NUFIP2: variants seen among roughly 807,000 people sequenced by gnomAD.
The protein encoded by NUFIP2 is nuclear FMR1 interacting protein 2.
In NUFIP2, 6 loss-of-function variants were observed where a neutral mutation model predicts 56.9. The ratio of observed to expected loss-of-function variants is 0.11; its 90% CI spans 0.06 to 0.21. The LOEUF (loss-of-function observed/expected upper bound fraction) is 0.21. Ranked by LOEUF, NUFIP2 falls within the 10% of genes least tolerant of loss-of-function variation. The probability of loss-of-function intolerance (pLI) is 1.00; values close to 1 mark genes in which losing one functional copy is unlikely to be tolerated. For synonymous variants in NUFIP2, 321 were observed against 298.2 expected, an observed-to-expected ratio of 1.08 and a Z score of -0.79; for missense variants, 828 against 826.8, an observed-to-expected ratio of 1.00 and a Z score of -0.02.
At position 29,287,312 on chromosome 17, in the gene NUFIP2, G is replaced by A. The variant is rs750934438; in HGVS notation, c.682C>T (p.Arg228Cys). The stretch of plus-strand genomic sequence containing the variant: ...TTTTCACAACCCTTGGCACTATTGC[G>A]CCTAGCTTTCCTTTTTTTAGGAGTT... ...YTTPKKRKAR[R>C]NSAKGCENLN... is the part of the protein sequence containing the mutation. Residue 228 changes from arginine (R) to cysteine (C), a missense_variant, in exon 2 of 4, where the codon CGC becomes TGC. Coordinates refer to ENST00000225388, the MANE Select transcript of NUFIP2 (RefSeq NM_020772.3). 20 of 1,613,894 alleles carry A rather than the reference G, an allele frequency of 1.2e-5. No homozygotes were observed. The highest frequency in any genetic ancestry group is 1.6e-5 in the Non-Finnish European group (19 of 1,180,020).
chr17:29,294,091 G>T lies in NUFIP2; in HGVS notation c.-32C>A. ...CGGCTGGGACTCCCTGGCTGAGGCT[G>T]CGGGCTGCTGCACCGTCAGGATCTG... On this transcript the variant is annotated 5_prime_UTR_variant, in exon 1 of 4. Transcript: ENST00000225388. 1 of 1,568,238 alleles carries T rather than the reference G, an allele frequency of 6.4e-7. No homozygotes were observed. The highest frequency in any genetic ancestry group is 8.7e-7 in the Non-Finnish European group (1 of 1,155,694).
chr17:29,279,950 C>T (rs935934474), intron 2 of NUFIP2, among the ~76,000 whole-genome samples: 9 of 152,072 alleles, frequency 5.9e-5, no homozygotes, highest in East Asian at 5.8e-4. Context: ...TCCCAATTAG[C>T]GGAGACTACA....
At chr17:29,266,909 T>C (rs936548223) in intron 3 of NUFIP2, among the ~76,000 whole-genome samples, 5 of 151,902 alleles carry the variant, frequency 3.3e-5, no homozygotes, top group Non-Finnish European at 7.4e-5. Context: ...CTTAATACTA[T>C]CTTTTTTTTT....
intron 1 of NUFIP2, among the ~76,000 whole-genome samples, chr17:29,293,116 G>A (rs533540497): frequency 2.9e-4 from 44 of 151,594 alleles, no homozygotes; most frequent in African/African-American, 1.0e-3. Flanking sequence ...GCCGGCTCTG[G>A]GGGGAGCGGG....
rs1024171407 is a variant in NUFIP2, at chr17:29,268,871, A to G, written c.2003-1341T>C. Among the ~76,000 whole-genome samples the G allele has an allele frequency of 5.3e-5, 8 of 152,178 alleles. No homozygotes were observed. In the South Asian group the frequency reaches 6.2e-4, roughly 12 times the overall value. On this transcript the variant is annotated intron_variant, in intron 2 of 3. Transcript: ENST00000225388. ...TTTATCCTTTAAGGTCAGAATGCCA[A>G]TCCACATCTATTATTAATGGCACAC...
chr17:29,264,686 C>A (rs1370792780), intron 3 of NUFIP2, 95 bp from the exon 4 acceptor site: 6 of 743,660 alleles, frequency 8.1e-6, no homozygotes, highest in Non-Finnish European at 1.1e-5. Flanking sequence ...TTTAAACTGA[C>A]CAATTTTTTT....
In NUFIP2 at chr17:29,287,670, T is replaced by C. The variant is rs756870346; in HGVS notation, c.324A>G (p.Leu108=). 1 of 1,613,066 alleles carries C rather than the reference T, an allele frequency of 6.2e-7. No homozygotes were observed. Among genetic ancestry groups the C allele is most frequent in the South Asian group, 1.1e-5 (1 of 90,814 alleles). ...NGNAGEREIS[L]KNLSSDEATN... Reference sequence around the variant, plus strand: ...TGGCTTCATCAGAACTCAGGTTCTTTAAAGATATTTCTCTTTCTCCAGCAT... The same window carrying C: ...TGGCTTCATCAGAACTCAGGTTCTTCAAAGATATTTCTCTTTCTCCAGCAT... The change falls in exon 2 of 4, where the codon TTA becomes TTG. Residue 108 remains leucine (L), a synonymous_variant. Transcript: ENST00000225388.
intron 2 of NUFIP2, among the ~76,000 whole-genome samples, chr17:29,273,317 C>T (rs1234980995): frequency 1.3e-5 from 2 of 152,084 alleles, no homozygotes; most frequent in South Asian, 2.1e-4. Context: ...GGATTACAGG[C>T]GTGAGCCACC....
At chr17:29,284,523 C>T (rs537824584) in intron 2 of NUFIP2, among the ~76,000 whole-genome samples, 27 of 151,536 alleles carry the variant, frequency 1.8e-4, no homozygotes, top group African/African-American at 4.4e-4. Context: ...CTGGCCAACA[C>T]GGTGAAACCT....
rs751490001 is a variant in NUFIP2 at position 29,286,780 on chromosome 17, G to A, written c.1214C>T (p.Ala405Val). 1.9e-6 allele frequency: 3 copies of A among 1,614,140 alleles called. No individual in the cohort carries two copies. Among genetic ancestry groups the A allele is most frequent in the South Asian group, 1.1e-5 (1 of 91,080 alleles). Residue 405 changes from alanine (A) to valine (V), a missense_variant, in exon 2 of 4, where the codon GCG becomes GTG. By Grantham distance (64) the Ala-to-Val change is moderately conservative (BLOSUM62 0). Coordinates refer to ENST00000225388, the MANE Select transcript of NUFIP2 (RefSeq NM_020772.3). ...GTTGGCAGAAGTAACAGATTTCAGCGCTGACATAGGGACCTGGGATAAGCG... is the reference window on the plus strand; with the variant it reads ...GTTGGCAGAAGTAACAGATTTCAGCACTGACATAGGGACCTGGGATAAGCG... Reference protein sequence around the residue: ...SSRLSQVPMSALKSVTSANFS... With the variant: ...SSRLSQVPMSVLKSVTSANFS...
Position 29,256,898 on chromosome 17 carries a change from C to T in NUFIP2, c.*7641G>A, listed in dbSNP as rs2068974505. ...TGATCTTACAAACAACTGAATAATT[C>T]TAATCTCAAGCCAGTCAATTCAGTA... On this transcript the variant is annotated 3_prime_UTR_variant, in exon 4 of 4. Transcript: ENST00000225388. 6.6e-6 allele frequency: 1 copy of T among 152,156 alleles called. No individual in the cohort carries two copies. Among genetic ancestry groups the T allele is most frequent in the Admixed American group, 6.5e-5 (1 of 15,272 alleles). The allele number at this position is 152,156 out of a possible 1,614,324, so 9.4% of individuals were successfully genotyped here. A position where few individuals can be genotyped will look rare whatever the true frequency, so the allele number is the denominator to read the frequency against.
chr17:29,289,755 CT>C (rs2069199458), intron 1 of NUFIP2, among the ~76,000 whole-genome samples: 1 of 152,026 alleles, frequency 6.6e-6, no homozygotes, highest in Non-Finnish European at 1.5e-5. Context: ...CACAACAGGA[CT>C]TACTCATTCT....
chr17:29,281,984 G>T lies in NUFIP2; in HGVS notation c.2002+4008C>A, dbSNP rs561136624. ...TTTCACTGTTAGCCAGGATGGCCTCGATCTCCTGACCTCGTGATCCACCCT... is the reference window on the plus strand; with the variant it reads ...TTTCACTGTTAGCCAGGATGGCCTCTATCTCCTGACCTCGTGATCCACCCT... On this transcript the variant is annotated intron_variant, in intron 2 of 3. Transcript: ENST00000225388. Among the ~76,000 whole-genome samples the T allele has an allele frequency of 2.6e-5, 4 of 151,574 alleles. No homozygotes were observed. The South Asian group carries it at 8.3e-4, about 32-fold the overall frequency.
At position 29,261,408 on chromosome 17, in the gene NUFIP2, AC is replaced by A. The variant is rs757241568; in HGVS notation, c.*3130del. 14,369 of 147,478 alleles carry A rather than the reference AC, an allele frequency of 0.097. 822 individuals carry two copies. The highest frequency in any genetic ancestry group is 0.18 in the South Asian group (848 of 4,612). The allele number at this position is 147,478 out of a possible 1,614,324, so 9.1% of individuals were successfully genotyped here. A position where few individuals can be genotyped will look rare whatever the true frequency, so the allele number is the denominator to read the frequency against. Reference sequence around the variant, plus strand: ...TTTCCTCACACACACATACATACATACATAAACACACACACACACACACACC... The same window carrying A: ...TTTCCTCACACACACATACATACATAATAAACACACACACACACACACACC... On this transcript the variant is annotated 3_prime_UTR_variant, in exon 4 of 4. Transcript: ENST00000225388.
Position 29,284,595 on chromosome 17 carries a change from A to G in NUFIP2, c.2002+1397T>C, listed in dbSNP as rs554403973. Among the ~76,000 whole-genome samples, 6 of 150,598 alleles carry G rather than the reference A, an allele frequency of 4.0e-5. No homozygotes were observed. The East Asian group carries it at 9.9e-4, about 25-fold the overall frequency. On this transcript the variant is annotated intron_variant, in intron 2 of 3. Transcript: ENST00000225388. Reference sequence around the variant, plus strand: ...GTGGTGGGCACCTGTAATCCCAGCTACGTGGGAGGCTGAGGCAGGAGAATC... The same window carrying G: ...GTGGTGGGCACCTGTAATCCCAGCTGCGTGGGAGGCTGAGGCAGGAGAATC...
chr17:29,256,836 T>C lies in NUFIP2; in HGVS notation c.*7703A>G, dbSNP rs2068974116. 2.0e-5 allele frequency: 3 copies of C among 152,198 alleles called. No individual in the cohort carries two copies. The highest frequency in any genetic ancestry group is 7.2e-5 in the African/African-American group (3 of 41,446). The allele number at this position is 152,198 out of a possible 1,614,324, so 9.4% of individuals were successfully genotyped here. ...GTTCTAATCAGCTTGGGCAATTTTT[T>C]AAAAGATACACGTTATCTTTAAAAC... is the stretch of plus-strand genomic sequence containing the variant. On this transcript the variant is annotated 3_prime_UTR_variant, in exon 4 of 4. Transcript: ENST00000225388.
At chr17:29,265,554 G>A (rs1400113960) in intron 3 of NUFIP2, among the ~76,000 whole-genome samples, 26 of 147,674 alleles carry the variant, frequency 1.8e-4, no homozygotes, top group Non-Finnish European at 2.5e-4. Context: ...CGCCCGCCTC[G>A]GCCTCCCAAA....
At chr17:29,266,367 C>T (rs951310059) in intron 3 of NUFIP2, among the ~76,000 whole-genome samples, 1 of 151,958 alleles carries the variant, frequency 6.6e-6, no homozygotes, top group Non-Finnish European at 1.5e-5. Context: ...TCAGGGGAAG[C>T]TACATTCTAG....
rs1386707304 is a variant in NUFIP2 at position 29,258,643 on chromosome 17, T to G, written c.*5896A>C. ...GCCAAAAAGTGTACTATTAACAGAA[T>G]TCTTATATTCCTAAGTTATTGTCCT... On this transcript the variant is annotated 3_prime_UTR_variant, in exon 4 of 4. Coordinates refer to ENST00000225388, the MANE Select transcript of NUFIP2 (RefSeq NM_020772.3). 6.6e-6 allele frequency: 1 copy of G among 152,196 alleles called. No homozygotes were observed. Among genetic ancestry groups the G allele is most frequent in the East Asian group, 1.9e-4 (1 of 5,196 alleles). The allele number at this position is 152,196 out of a possible 1,614,324, so 9.4% of individuals were successfully genotyped here.
Sources: allele counts gnomAD v4.1 joint callset (sites outside exome capture counted in the v4.1 genomes callset), GRCh38; gene constraint gnomAD v4.1.1; transcripts MANE v1.5; gene names NCBI Gene and HGNC (gene_info 2026-07-23, HGNC 2026-07-21).